Variants in RTN1 observed in about 807,000 individuals in gnomAD.
The protein encoded by RTN1 is reticulon 1.
A neutral mutation model predicts 65.5 loss-of-function variants in RTN1; 25 were observed. That is an observed-to-expected ratio of 0.38 (90% CI 0.28 to 0.53). The LOEUF (loss-of-function observed/expected upper bound fraction) is 0.53. Ranked by LOEUF, RTN1 falls within the 20% of genes least tolerant of loss-of-function variation. The pLI is 0.79. For missense variants in RTN1, 983 were observed against 1,025.4 expected, an observed-to-expected ratio of 0.96 and a Z score of 0.57; for synonymous variants, 471 against 447.6, an observed-to-expected ratio of 1.05 and a Z score of -0.66.
rs918574065 is a variant in RTN1 at position 59,774,654 on chromosome 14, T to C, written c.242-28173A>G. On this transcript the variant is annotated intron_variant, in intron 1 of 8. Transcript: ENST00000267484. The surrounding 1 kb of genome is among the most constrained non-coding windows in gnomAD (Gnocchi z 5.1). ...TAATTTTCATTTGGAATCTCATATTTATATGTGTATTCTTAATGTTCCTTT... is the reference window on the plus strand; with the variant it reads ...TAATTTTCATTTGGAATCTCATATTCATATGTGTATTCTTAATGTTCCTTT... Among the ~76,000 whole-genome samples the C allele has an allele frequency of 2.0e-5, 3 of 149,642 alleles. No individual in the cohort carries two copies. The highest frequency in any genetic ancestry group is 7.7e-5 in the African/African-American group (3 of 39,016).
In RTN1 at chr14:59,746,471, A is replaced by G; in HGVS notation, c.252T>C (p.Gly84=). ...AGGTGTGGTCCATGGCACTGGAAAC[A>G]CCTGCCACACCTATGAATCAAAGCA... ...AMETASTGVA[G]VSSAMDHTFS... The change falls in exon 2 of 9, where the codon GGT becomes GGC. Residue 84 remains glycine (G), a synonymous_variant. Transcript: ENST00000267484. The G allele has an allele frequency of 1.3e-6, 2 of 1,572,298 alleles. No individual in the cohort carries two copies. Among genetic ancestry groups the G allele is most frequent in the East Asian group, 2.2e-5 (1 of 44,514 alleles).
At chr14:59,847,298 A>G (rs911119127) in intron 1 of RTN1, among the ~76,000 whole-genome samples, 8 of 152,224 alleles carry the variant, frequency 5.3e-5, no homozygotes, top group African/African-American at 1.9e-4. Context: ...TATAACAATG[A>G]AAAATAGTCC....
intron 3 of RTN1, among the ~76,000 whole-genome samples, chr14:59,724,229 G>T (rs150215418): frequency 5.3e-5 from 8 of 152,284 alleles, no homozygotes; most frequent in African/African-American, 1.9e-4. Flanking sequence ...TAACTGCAGA[G>T]GTCTCTGAAA....
chr14:59,850,252 T>C (rs746132601), intron 1 of RTN1, among the ~76,000 whole-genome samples: 2 of 152,236 alleles, frequency 1.3e-5, no homozygotes, highest in African/African-American at 4.8e-5. Flanking sequence ...AAATATCATA[T>C]GTTGAAAACA....
chr14:59,768,987 G>A (rs1885902437), intron 1 of RTN1, among the ~76,000 whole-genome samples: 3 of 152,136 alleles, frequency 2.0e-5, no homozygotes, highest in African/African-American at 7.2e-5. Flanking sequence ...GGATTCTGTA[G>A]GATGTAGGAC....
chr14:59,742,356 G>A (rs1885131792), intron 2 of RTN1, among the ~76,000 whole-genome samples: 1 of 152,040 alleles, frequency 6.6e-6, no homozygotes, highest in Non-Finnish European at 1.5e-5. Flanking sequence ...TGGTGCTCCT[G>A]GTCAATGTCT....
chr14:59,695,422 T>G (rs897762661), intron 3 of RTN1, among the ~76,000 whole-genome samples: 10 of 152,196 alleles, frequency 6.6e-5, no homozygotes, highest in African/African-American at 2.4e-4. Flanking sequence ...AGCAGAAGCC[T>G]AAACGTGACT....
intron 3 of RTN1, among the ~76,000 whole-genome samples, chr14:59,644,221 C>A (rs574010089): frequency 1.3e-5 from 2 of 152,278 alleles, no homozygotes; most frequent in East Asian, 3.9e-4. Context: ...CTGAAACATC[C>A]AGGTACATGT....
chr14:59,673,836 T>C (rs768352395), intron 3 of RTN1, among the ~76,000 whole-genome samples: 3 of 152,212 alleles, frequency 2.0e-5, no homozygotes, highest in Admixed American at 1.3e-4. Context: ...TCCCTGTCTG[T>C]CTATCTGACA....
At chr14:59,611,041 G>A (rs553653611) in intron 3 of RTN1, among the ~76,000 whole-genome samples, 97 of 152,272 alleles carry the variant, frequency 6.4e-4, no homozygotes, top group Non-Finnish European at 1.1e-3. Context: ...TAAAAACTCC[G>A]CTCCCTGAAT....
chr14:59,806,626 C>T (rs1237672227), intron 1 of RTN1, among the ~76,000 whole-genome samples: 1 of 152,172 alleles, frequency 6.6e-6, no homozygotes, highest in African/African-American at 2.4e-5. Context: ...CACCCTCCAC[C>T]TTTGGGTAAG....
At chr14:59,606,168 A>T (rs1395059806) in intron 4 of RTN1, 2 of 147,766 alleles carry the variant, frequency 1.4e-5, no homozygotes, top group Non-Finnish European at 3.0e-5. Flanking sequence ...AAGCTCCTCC[A>T]CAGAGGTCCA....
In RTN1 at chr14:59,766,241, T is replaced by G. The variant is rs976978408; in HGVS notation, c.242-19760A>C. 3.0e-4 allele frequency among the ~76,000 whole-genome samples: 45 copies of G among 151,550 alleles called. No homozygotes were observed. Among genetic ancestry groups the G allele is most frequent in the African/African-American group, 1.0e-3 (43 of 41,304 alleles). On this transcript the variant is annotated intron_variant, in intron 1 of 8. Transcript: ENST00000267484. This position sits in a 1 kb window ranked among gnomAD's most constrained non-coding sequence, Gnocchi z 4.4. ...TGAGACGCTGTCAAAAAAAAAAAATTCATTAACAATTACCTAGAATTTAAT... is the reference window on the plus strand; with the variant it reads ...TGAGACGCTGTCAAAAAAAAAAAATGCATTAACAATTACCTAGAATTTAAT...
At chr14:59,599,093 A>C (rs1881496577) in intron 8 of RTN1, among the ~76,000 whole-genome samples, 1 of 152,184 alleles carries the variant, frequency 6.6e-6, no homozygotes, top group Non-Finnish European at 1.5e-5. Context: ...TTGATTTTTT[A>C]AAGATGCTTC....
rs186786941 is a variant in RTN1 at position 59,723,604 on chromosome 14, A to C, written c.1765+3315T>G. 3.6e-3 allele frequency among the ~76,000 whole-genome samples: 553 copies of C among 152,292 alleles called. 3 individuals carry two copies. The highest frequency in any genetic ancestry group is 0.013 in the African/African-American group (523 of 41,562). ...GCACTCCAGCCTGGGCAACAGAGCG[A>C]GACTCCGTCTCAAAATAAATAAATA... On this transcript the variant is annotated intron_variant, in intron 3 of 8. Transcript: ENST00000267484.
Position 59,727,211 on chromosome 14 carries a change from C to T in RTN1, c.1473G>A (p.Lys491=), listed in dbSNP as rs781560199. 13 of 1,574,300 alleles carry T rather than the reference C, an allele frequency of 8.3e-6. No homozygotes were observed. The highest frequency in any genetic ancestry group is 1.1e-5 in the Non-Finnish European group (13 of 1,160,288). The change falls in exon 3 of 9, where the codon AAG becomes AAA. Residue 491 remains lysine (K), a synonymous_variant. Coordinates refer to ENST00000267484, the MANE Select transcript of RTN1 (RefSeq NM_021136.3). This position sits in a 1 kb window ranked among gnomAD's most constrained non-coding sequence, Gnocchi z 4.2. ...PKREQDSPPM[K]PSALDAIREE... is the part of the protein sequence containing the mutation. ...CCCGGATGGCATCCAGGGCGCTGGG[C>T]TTCATCGGGGGTGAGTCCTGCTCCC...
Position 59,845,863 on chromosome 14 carries a change from G to A in RTN1, c.241+24527C>T, listed in dbSNP as rs533242695. On this transcript the variant is annotated intron_variant, in intron 1 of 8. Coordinates refer to ENST00000267484, the MANE Select transcript of RTN1 (RefSeq NM_021136.3). ...CATCATTCAAGGCCCAGAAAAAGAA[G>A]CTATTTAGGCAGCTGCCATGGACAA... is the stretch of plus-strand genomic sequence containing the variant. Among the ~76,000 whole-genome samples, 12 of 152,098 alleles carry A rather than the reference G, an allele frequency of 7.9e-5. No homozygotes were observed. In the South Asian group the frequency reaches 2.5e-3, roughly 32 times the overall value.
intron 3 of RTN1, among the ~76,000 whole-genome samples, chr14:59,667,942 C>A (rs564487518): frequency 6.6e-6 from 1 of 151,932 alleles, no homozygotes; most frequent in Non-Finnish European, 1.5e-5. Context: ...CACTGCTCAA[C>A]GAAATAAAAG....
intron 1 of RTN1, among the ~76,000 whole-genome samples, chr14:59,845,338 C>G (rs985209460): frequency 6.6e-6 from 1 of 152,150 alleles, no homozygotes; most frequent in Non-Finnish European, 1.5e-5. Flanking sequence ...TTTTCTCTTC[C>G]TGTATCCACA....
Sources: gnomAD v4.1 joint callset for allele counts (sites outside exome capture counted in the v4.1 genomes callset) on GRCh38, gnomAD v4.1.1 for gene constraint, Gnocchi (gnomAD v3.1) non-coding constraint, MANE v1.5 for transcripts, NCBI Gene and HGNC (gene_info 2026-07-23, HGNC 2026-07-21) for gene names.